Variants in NAALADL2 observed in about 807,000 individuals in gnomAD.
The protein encoded by NAALADL2 is N-acetylated alpha-linked acidic dipeptidase like 2.
NAALADL2 carries 76 observed loss-of-function variants against 87.2 expected under a neutral mutation model. The ratio of observed to expected loss-of-function variants is 0.87; its 90% confidence interval spans 0.72 to 1.05. NAALADL2 has a LOEUF of 1.05. NAALADL2 is among the 50% of genes least tolerant of loss of function. The pLI is 0.00. For missense variants in NAALADL2, 1,089 were observed against 945.8 expected (o/e 1.15, Z -1.99); for synonymous variants, 354 against 331.0 (o/e 1.07, Z -0.75).
chr3:174,517,227 T>A (rs1349785470), intron 1 of NAALADL2, among the ~76,000 whole-genome samples: 1 of 152,056 alleles, frequency 6.6e-6, no homozygotes, highest in African/African-American at 2.4e-5. Flanking sequence ...TATTTGCATT[T>A]TGTCTACAGA....
intron 3 of NAALADL2, among the ~76,000 whole-genome samples, chr3:174,788,299 A>G (rs955054776): frequency 6.6e-6 from 1 of 151,950 alleles, no homozygotes; most frequent in Non-Finnish European, 1.5e-5. Flanking sequence ...ATTGGGTAGT[A>G]CTGATATGAG....
chr3:174,781,532 T>C (rs1715980725), intron 3 of NAALADL2, among the ~76,000 whole-genome samples: 1 of 151,846 alleles, frequency 6.6e-6, no homozygotes, highest in African/African-American at 2.4e-5. Context: ...ATATGTTAAA[T>C]CTGTAGGTGA....
chr3:175,621,156 G>T (rs1326445162), intron 10 of NAALADL2, among the ~76,000 whole-genome samples: 1 of 152,174 alleles, frequency 6.6e-6, no homozygotes, highest in Admixed American at 6.5e-5. Context: ...GCTTTAAACG[G>T]TCTTTGGCTT....
At chr3:175,238,063 T>C (rs1746218073) in intron 3 of NAALADL2, among the ~76,000 whole-genome samples, 1 of 152,152 alleles carries the variant, frequency 6.6e-6, no homozygotes, top group Admixed American at 6.5e-5. Flanking sequence ...GGTGGGGTGT[T>C]TTTTTTAAAA....
chr3:175,570,606 C>T (rs1002147775), intron 9 of NAALADL2, among the ~76,000 whole-genome samples: 7 of 152,038 alleles, frequency 4.6e-5, no homozygotes, highest in African/African-American at 1.4e-4. Context: ...TTTGGCTGGG[C>T]GAGGTGGCTT....
At chr3:174,692,559 T>C (rs1164204489) in intron 2 of NAALADL2, among the ~76,000 whole-genome samples, 2 of 152,216 alleles carry the variant, frequency 1.3e-5, no homozygotes, top group Non-Finnish European at 2.9e-5. Flanking sequence ...CTCATGCTGC[T>C]GTTCTGGAAG....
At chr3:175,492,618 T>C (rs1728262910) in intron 9 of NAALADL2, among the ~76,000 whole-genome samples, 1 of 152,186 alleles carries the variant, frequency 6.6e-6, no homozygotes, top group Admixed American at 6.5e-5. Context: ...CAAGCATTAA[T>C]AGATCGTTCA....
chr3:175,041,662 C>G (rs1384397668), intron 1 of NAALADL2, among the ~76,000 whole-genome samples: 1 of 152,058 alleles, frequency 6.6e-6, no homozygotes, highest in African/African-American at 2.4e-5. Flanking sequence ...CTAGATGCTC[C>G]CGTCATTCCT....
intron 1 of NAALADL2, among the ~76,000 whole-genome samples, chr3:174,502,684 A>C (rs1237370677): frequency 1.3e-5 from 2 of 152,112 alleles, no homozygotes; most frequent in Non-Finnish European, 2.9e-5. Flanking sequence ...GCAACATTAT[A>C]CTTTTCTAAC....
At chr3:174,821,604 G>C (rs556532627) in intron 3 of NAALADL2, among the ~76,000 whole-genome samples, 139 of 152,236 alleles carry the variant, frequency 9.1e-4, no homozygotes, top group Non-Finnish European at 1.8e-3. Context: ...AGTCTAGCTA[G>C]GCCTGGAGGA....
chr3:175,798,417 A>G (rs1316514234), intron 13 of NAALADL2, among the ~76,000 whole-genome samples: 4 of 152,088 alleles, frequency 2.6e-5, no homozygotes, highest in African/African-American at 9.6e-5. Context: ...TTTATCTTCC[A>G]TAATAGCTTG....
At chr3:174,630,919 A>G (rs1469008021) in intron 2 of NAALADL2, among the ~76,000 whole-genome samples, 1 of 152,150 alleles carries the variant, frequency 6.6e-6, no homozygotes, top group African/African-American at 2.4e-5. Context: ...GAATCAGTTC[A>G]TTCAACCTCT....
At chr3:174,444,945 A>G (rs1370947846) in intron 1 of NAALADL2, among the ~76,000 whole-genome samples, 1 of 152,112 alleles carries the variant, frequency 6.6e-6, no homozygotes, top group Non-Finnish European at 1.5e-5. Context: ...AACATTACTC[A>G]TAGATATTGA....
chr3:174,548,547 A>ATGT (rs1711697522), intron 1 of NAALADL2, among the ~76,000 whole-genome samples: 4 of 152,096 alleles, frequency 2.6e-5, no homozygotes, highest in Non-Finnish European at 5.9e-5. Flanking sequence ...TTAAAAACAG[A>ATGT]CAGAAAAACA....
At chr3:175,617,946 T>A (rs758740894) in intron 10 of NAALADL2, among the ~76,000 whole-genome samples, 66 of 152,114 alleles carry the variant, frequency 4.3e-4, no homozygotes, top group Non-Finnish European at 5.7e-4. Context: ...TCCCATTTCA[T>A]CATCGGGGTC....
intron 3 of NAALADL2, among the ~76,000 whole-genome samples, chr3:174,819,623 C>T (rs1050273281): frequency 6.6e-6 from 1 of 152,006 alleles, no homozygotes; most frequent in African/African-American, 2.4e-5. Flanking sequence ...TGATGCAGCC[C>T]ATTATATTGT....
chr3:175,737,440 A>G lies in NAALADL2; in HGVS notation c.1990+41A>G, dbSNP rs988860829. 4 of 1,226,080 alleles carry G rather than the reference A, an allele frequency of 3.3e-6. No individual in the cohort carries two copies. In the African/African-American group the frequency reaches 6.0e-5, roughly 18 times the overall value. The allele number at this position is 1,226,080 out of a possible 1,614,324, so 76.0% of individuals were successfully genotyped here. On this transcript the variant is annotated intron_variant, in intron 12 of 13. Coordinates refer to ENST00000454872, the MANE Select transcript of NAALADL2 (RefSeq NM_207015.3). Reference sequence around the variant, plus strand: ...ATTATAGTAATTTTACCAATGAAAAATTGTTCAACTAATTTTCAACAAGGA... The same window carrying G: ...ATTATAGTAATTTTACCAATGAAAAGTTGTTCAACTAATTTTCAACAAGGA...
At chr3:174,581,309 G>A (rs913561230) in intron 2 of NAALADL2, among the ~76,000 whole-genome samples, 5 of 152,092 alleles carry the variant, frequency 3.3e-5, no homozygotes, top group Admixed American at 6.6e-5. Flanking sequence ...GGCAGGGAAA[G>A]TATATGCAAA....
chr3:175,669,351 C>T (rs1733622629), intron 11 of NAALADL2, among the ~76,000 whole-genome samples: 1 of 151,938 alleles, frequency 6.6e-6, no homozygotes, highest in Admixed American at 6.6e-5. Flanking sequence ...GTCATTATGA[C>T]AATAAGTTGT....
Sources: allele counts gnomAD v4.1 joint callset (sites outside exome capture counted in the v4.1 genomes callset), GRCh38; gene constraint gnomAD v4.1.1; transcripts MANE v1.5; gene names NCBI Gene and HGNC (gene_info 2026-07-23, HGNC 2026-07-21).